MSRA: variants seen among roughly 807,000 people sequenced by gnomAD.
The protein encoded by MSRA is methionine sulfoxide reductase A.
MSRA carries 54 observed loss-of-function variants against 31.3 expected under a neutral mutation model. The observed-to-expected ratio is 1.73, with a 90% CI of 1.39 to 2.17. The LOEUF (loss-of-function observed/expected upper bound fraction) is 2.17, where lower values mean the gene tolerates loss of function less well. MSRA is among the 30% of genes most tolerant of loss of function. The pLI, the probability that MSRA is intolerant of heterozygous loss-of-function variation, is 0.00. For missense variants in MSRA, 507 were observed against 300.9 expected (o/e 1.69, Z -5.07); for synonymous variants, 169 against 116.5 (o/e 1.45, Z -2.90).
chr8:10,412,323 G>T, intron 5 of MSRA, among the ~76,000 whole-genome samples: 1 of 152,286 alleles, frequency 6.6e-6, no homozygotes, highest in East Asian at 1.9e-4. Context: ...AGGGCCACAG[G>T]CTTGTCAGTT....
intron 3 of MSRA, among the ~76,000 whole-genome samples, chr8:10,265,187 AT>A (rs1798682575): frequency 6.6e-6 from 1 of 152,168 alleles, no homozygotes; most frequent in Non-Finnish European, 1.5e-5. Flanking sequence ...CCAGATGCTA[AT>A]ATGCTCTGCA....
chr8:10,282,161 A>G (rs1222136355), intron 3 of MSRA, among the ~76,000 whole-genome samples: 2 of 152,170 alleles, frequency 1.3e-5, no homozygotes, highest in Admixed American at 6.5e-5. Context: ...AAAACCTTTC[A>G]TCCACAAAAG....
chr8:10,266,875 A>T (rs1477077868), intron 3 of MSRA, among the ~76,000 whole-genome samples: 1 of 152,232 alleles, frequency 6.6e-6, no homozygotes, highest in Non-Finnish European at 1.5e-5. Flanking sequence ...TAAAATGCAA[A>T]GGTCAATCAT....
intron 4 of MSRA, among the ~76,000 whole-genome samples, chr8:10,317,233 G>A (rs1348086884): frequency 1.3e-5 from 2 of 152,158 alleles, no homozygotes; most frequent in South Asian, 2.1e-4. Flanking sequence ...CTGGGACCTC[G>A]TAAAGTGATC....
chr8:10,247,649 C>T (rs1023506290), intron 3 of MSRA, among the ~76,000 whole-genome samples: 6 of 152,092 alleles, frequency 3.9e-5, no homozygotes, highest in Admixed American at 3.3e-4. Flanking sequence ...GATATGAACA[C>T]TACCTGCTAA....
Position 10,054,314 on chromosome 8 carries a change from C to G in MSRA, c.-203C>G, listed in dbSNP as rs1442271065. On this transcript the variant is annotated 5_prime_UTR_variant, in exon 1 of 6. Transcript: ENST00000317173. Reference sequence around the variant, plus strand: ...CCTGTCCAGGGAAGGAACACGCCCCCGGTGACAGCCGGTACGGCCCCGGGT... The same window carrying G: ...CCTGTCCAGGGAAGGAACACGCCCCGGGTGACAGCCGGTACGGCCCCGGGT... The G allele has an allele frequency of 2.6e-6, 1 of 388,670 alleles. No individual in the cohort carries two copies. Among genetic ancestry groups the G allele is most frequent in the Non-Finnish European group, 4.4e-6 (1 of 229,422 alleles). 24.1% of individuals were successfully genotyped at this position (388,670 alleles called of 1,614,324 possible).
At chr8:10,099,728 C>T (rs917218683) in intron 1 of MSRA, among the ~76,000 whole-genome samples, 3 of 152,174 alleles carry the variant, frequency 2.0e-5, no homozygotes, top group Non-Finnish European at 2.9e-5. Context: ...CAGAGGGCCA[C>T]ATTATTTGTG....
At chr8:10,427,385 C>T (rs143076004) in intron 5 of MSRA, among the ~76,000 whole-genome samples, 71 of 152,282 alleles carry the variant, frequency 4.7e-4, no homozygotes, top group African/African-American at 1.7e-3. Context: ...CCTTTCCCAG[C>T]TTGTGTTGAT....
At chr8:10,188,903 A>G (rs932425394) in intron 1 of MSRA, among the ~76,000 whole-genome samples, 2 of 152,236 alleles carry the variant, frequency 1.3e-5, no homozygotes, top group African/African-American at 4.8e-5. Context: ...CAATGTCTAC[A>G]AAAACCTTTC....
chr8:10,283,031 C>T (rs1251843356), intron 3 of MSRA, among the ~76,000 whole-genome samples: 1 of 151,996 alleles, frequency 6.6e-6, no homozygotes, highest in Non-Finnish European at 1.5e-5. Flanking sequence ...CCATTCTTAA[C>T]TTCAAGAGCT....
intron 5 of MSRA, among the ~76,000 whole-genome samples, chr8:10,322,576 A>C (rs1158024152): frequency 6.6e-6 from 1 of 152,106 alleles, no homozygotes; most frequent in Non-Finnish European, 1.5e-5. Flanking sequence ...TGCCCATGAC[A>C]TGGGCATCCA....
chr8:10,416,637 G>C (rs776541789), intron 5 of MSRA, among the ~76,000 whole-genome samples: 1 of 152,240 alleles, frequency 6.6e-6, no homozygotes, highest in Non-Finnish European at 1.5e-5. Context: ...TGGGTGACCT[G>C]ACTTCAAAAG....
chr8:10,272,325 A>G (rs1391716709), intron 3 of MSRA, among the ~76,000 whole-genome samples: 3 of 152,176 alleles, frequency 2.0e-5, no homozygotes, highest in Non-Finnish European at 4.4e-5. Flanking sequence ...AAGCTGGAGA[A>G]CAAGAGAGCT....
intron 1 of MSRA, among the ~76,000 whole-genome samples, chr8:10,184,528 C>G (rs919742503): frequency 1.3e-5 from 2 of 150,072 alleles, no homozygotes; most frequent in African/African-American, 2.5e-5. Flanking sequence ...ACATTGGATT[C>G]TAGGGTTATT....
chr8:10,264,331 C>G (rs781045271), intron 3 of MSRA, among the ~76,000 whole-genome samples: 1 of 152,158 alleles, frequency 6.6e-6, no homozygotes, highest in Non-Finnish European at 1.5e-5. Flanking sequence ...CTTTGATTGC[C>G]CAGAACAATC....
At chr8:10,277,298 T>G (rs1158367462) in intron 3 of MSRA, among the ~76,000 whole-genome samples, 1 of 152,222 alleles carries the variant, frequency 6.6e-6, no homozygotes, top group Non-Finnish European at 1.5e-5. Context: ...CTGATCTTCC[T>G]TCTTTATTAT....
At chr8:10,383,795 T>G (rs1306176534) in intron 5 of MSRA, among the ~76,000 whole-genome samples, 1 of 152,234 alleles carries the variant, frequency 6.6e-6, no homozygotes, top group Non-Finnish European at 1.5e-5. Context: ...TGAATTTCCT[T>G]CCTGCTTGCT....
intron 1 of MSRA, among the ~76,000 whole-genome samples, chr8:10,188,109 G>A (rs572762734): frequency 5.2e-4 from 79 of 152,172 alleles, no homozygotes; most frequent in Admixed American, 8.5e-4. Context: ...TGCAAAAATC[G>A]TACATAGTTC....
chr8:10,380,677 A>C (rs1415642699), intron 5 of MSRA, among the ~76,000 whole-genome samples: 1 of 152,220 alleles, frequency 6.6e-6, no homozygotes, highest in Non-Finnish European at 1.5e-5. Flanking sequence ...CTTGGCGCAC[A>C]ATAAGTATTT....
Sources: gnomAD v4.1 joint callset for allele counts (sites outside exome capture counted in the v4.1 genomes callset) on GRCh38, gnomAD v4.1.1 for gene constraint, MANE v1.5 for transcripts, NCBI Gene and HGNC (gene_info 2026-07-23, HGNC 2026-07-21) for gene names.